Variants in DPP9 observed in about 807,000 individuals in gnomAD.
DPP9 encodes dipeptidyl peptidase IV-related protein-2.
DPP9 carries 50 observed loss-of-function variants against 110.7 expected under a neutral mutation model. The ratio of observed to expected loss-of-function variants is 0.45; its 90% CI spans 0.36 to 0.57. The LOEUF (loss-of-function observed/expected upper bound fraction) is 0.57, where lower values mean the gene tolerates loss of function less well. Ranked by LOEUF, DPP9 falls within the 20% of genes least tolerant of loss-of-function variation. The pLI is 0.00. For synonymous variants in DPP9, 561 were observed against 514.4 expected (o/e 1.09, Z -1.23); for missense variants, 1,022 against 1,217.9 (o/e 0.84, Z 2.39).
rs533369541 is a variant in DPP9, at chr19:4,700,084, C to G, written c.1074+132G>C. The G allele has an allele frequency of 9.8e-6, 6 of 609,274 alleles. No individual in the cohort carries two copies. Among genetic ancestry groups the G allele is most frequent in the African/African-American group, 5.7e-5 (3 of 52,176 alleles). The allele number at this position is 609,274 out of a possible 1,614,324, so 37.7% of individuals were successfully genotyped here. On this transcript the variant is annotated intron_variant, in intron 10 of 21. Transcript: ENST00000262960. This position sits in a 1 kb window ranked among gnomAD's most constrained non-coding sequence, Gnocchi z 4.3. ...AGGGAAGGCCTGTGGCTAGGCGGAC[C>G]GGGCGGCAGGGCTGGGGCCTGGGGA...
chr19:4,688,811 C>T lies in DPP9; in HGVS notation c.1831G>A (p.Asp611Asn), dbSNP rs375568437. Residue 611 changes from aspartate (D) to asparagine (N), a missense_variant, in exon 16 of 22, where the codon GAC (aspartate) becomes AAC (asparagine). Physicochemically the swap from Asp to Asn is conservative, Grantham distance 23 (BLOSUM62 1). This residue lies in a region of DPP9 where 810 missense variants were observed against 920.6 expected (regional missense o/e 0.88). Coordinates refer to ENST00000262960, the MANE Select transcript of DPP9 (RefSeq NM_139159.5). Reference protein sequence around the residue: ...VHVYKLSGPDDDPLHKQPRFW... With the variant: ...VHVYKLSGPDNDPLHKQPRFW... The stretch of plus-strand genomic sequence containing the variant: ...CGGGGCTGCTTGTGCAGGGGGTCGT[C>T]GTCGGGGCCGCTCAGCTTGTAGACG... The T allele has an allele frequency of 1.7e-5, 25 of 1,488,664 alleles. No homozygotes were observed. The highest frequency in any genetic ancestry group is 3.5e-4 in the Middle Eastern group (2 of 5,710). 92.2% of individuals were successfully genotyped at this position (1,488,664 alleles called of 1,614,324 possible). A position where few individuals can be genotyped will look rare whatever the true frequency, so the allele number is the denominator to read the frequency against.
chr19:4,690,804 CGT>C (rs909836246), intron 14 of DPP9, 72 bp downstream of exon 14: 52 of 1,136,210 alleles, frequency 4.6e-5, no homozygotes, highest in Non-Finnish European at 5.9e-5. Context: ...TATGCGCGTG[CGT>C]GTGTGTGTGA....
Position 4,704,137 on chromosome 19 carries a change from G to C in DPP9, c.594C>G (p.Gly198=). The C allele has an allele frequency of 6.2e-7, 1 of 1,613,972 alleles. No individual in the cohort carries two copies. Among genetic ancestry groups the C allele is most frequent in the South Asian group, 1.1e-5 (1 of 91,088 alleles). ...AGCCAGGGCCAGGGCTCACCATGAA[G>C]CCGTTCTTGCCGCCGTCGCGGCAGT... The part of the protein sequence containing the change: ...LFHCRDGGKN[G]FMVSPMKPLE... Residue 198 remains glycine (G), a synonymous_variant, in exon 6 of 22, where the codon GGC becomes GGG. Transcript: ENST00000262960. This position sits in a 1 kb window ranked among gnomAD's most constrained non-coding sequence, Gnocchi z 6.0.
chr19:4,678,348 A>G (rs2089205079), intron 21 of DPP9, among the ~76,000 whole-genome samples: 1 of 152,138 alleles, frequency 6.6e-6, no homozygotes, highest in Non-Finnish European at 1.5e-5. Flanking sequence ...CCTGGCCTCA[A>G]GTGATCCACC....
intron 3 of DPP9, among the ~76,000 whole-genome samples, chr19:4,714,857 CCTT>C (rs1362016981): frequency 1.3e-5 from 2 of 152,096 alleles, no homozygotes; most frequent in African/African-American, 4.8e-5. Context: ...TGAATCTCAT[CCTT>C]CTTATCCCTG....
At chr19:4,678,404 C>T (rs1342025834) in intron 21 of DPP9, among the ~76,000 whole-genome samples, 2 of 152,236 alleles carry the variant, frequency 1.3e-5, no homozygotes. Context: ...TGAGCCACCA[C>T]GCCCGGCCTG....
chr19:4,721,961 A>C (rs1427069871), intron 2 of DPP9, among the ~76,000 whole-genome samples: 1 of 152,210 alleles, frequency 6.6e-6, no homozygotes, highest in African/African-American at 2.4e-5. Context: ...GAAGTCGCTG[A>C]ACCTCTCTGA....
rs535497625 is a variant in DPP9, at chr19:4,699,869, G to T, written c.1074+347C>A. ...TCTCTGTTCTGGAAACTTGGAGAGA[G>T]GGCAGCTCTGGATCCACACGTCACC... On this transcript the variant is annotated intron_variant, in intron 10 of 21. Transcript: ENST00000262960. Among the ~76,000 whole-genome samples, 19 of 152,332 alleles carry T rather than the reference G, an allele frequency of 1.2e-4. No individual in the cohort carries two copies. The East Asian group carries it at 2.1e-3, about 17-fold the overall frequency.
At chr19:4,677,524 G>A (rs1258093270) in intron 21 of DPP9, among the ~76,000 whole-genome samples, 1 of 152,150 alleles carries the variant, frequency 6.6e-6, no homozygotes, top group East Asian at 1.9e-4. Flanking sequence ...GCCACCCACT[G>A]GTTTCCCCTC....
chr19:4,695,212 T>G lies in DPP9; in HGVS notation c.1353+166A>C. The G allele has an allele frequency of 1.4e-6, 1 of 711,348 alleles. No homozygotes were observed. Among genetic ancestry groups the G allele is most frequent in the Non-Finnish European group, 2.3e-6 (1 of 443,812 alleles). The allele number at this position is 711,348 out of a possible 1,614,324, so 44.1% of individuals were successfully genotyped here. Reference sequence around the variant, plus strand: ...TGGCTGCCAGACTCACCAACCCCCCTAGACCCTCTTCCCTGCCAGCCAGGG... The same window carrying G: ...TGGCTGCCAGACTCACCAACCCCCCGAGACCCTCTTCCCTGCCAGCCAGGG... On this transcript the variant is annotated intron_variant, in intron 12 of 21. Coordinates refer to ENST00000262960, the MANE Select transcript of DPP9 (RefSeq NM_139159.5). The surrounding 1 kb of genome is among the most constrained non-coding windows in gnomAD (Gnocchi z 4.7).
chr19:4,701,092 C>T (rs563688273), intron 9 of DPP9, among the ~76,000 whole-genome samples: 10 of 152,274 alleles, frequency 6.6e-5, no homozygotes, highest in Admixed American at 2.0e-4. Flanking sequence ...GGTTGCAAAC[C>T]CAAGGCCTGA....
Position 4,685,081 on chromosome 19 carries a change from C to G in DPP9, c.2032-272G>C, listed in dbSNP as rs1239056439. 2 of 632,070 alleles carry G rather than the reference C, an allele frequency of 3.2e-6. No individual in the cohort carries two copies. The highest frequency in any genetic ancestry group is 5.9e-6 in the Non-Finnish European group (2 of 340,260). The allele number at this position is 632,070 out of a possible 1,614,324, so 39.2% of individuals were successfully genotyped here. ...GTCCTGCCTGGAACAACTACTCTGG[C>G]ATGATGGACATTGGGGTGGCTCCTT... On this transcript the variant is annotated intron_variant, in intron 17 of 21. Coordinates refer to ENST00000262960, the MANE Select transcript of DPP9 (RefSeq NM_139159.5). This position sits in a 1 kb window ranked among gnomAD's most constrained non-coding sequence, Gnocchi z 5.8.
In DPP9 at chr19:4,694,760, C is replaced by T. The variant is rs767206166; in HGVS notation, c.1417G>A (p.Ala473Thr). ...EGEDELCFLR[A>T]NECKTGFCHL... is the part of the protein sequence containing the mutation. ...CAGAAGCCGGTCTTGCATTCATTGG[C>T]GCGGAGAAAGCAGAGCTCGTCCTCT... The change falls in exon 13 of 22, where the codon GCC becomes ACC. Residue 473 changes from alanine (A) to threonine (T), a missense_variant. By Grantham distance (58) the Ala-to-Thr change is moderately conservative (BLOSUM62 0). This residue lies in a region of DPP9 where 810 missense variants were observed against 920.6 expected (regional missense o/e 0.88). Coordinates refer to ENST00000262960, the MANE Select transcript of DPP9 (RefSeq NM_139159.5). The surrounding 1 kb of genome is among the most constrained non-coding windows in gnomAD (Gnocchi z 4.0). 32 of 1,613,682 alleles carry T rather than the reference C, an allele frequency of 2.0e-5. No homozygotes were observed. The highest frequency in any genetic ancestry group is 2.7e-5 in the African/African-American group (2 of 74,888).
rs59314200 is a variant in DPP9 at position 4,715,019 on chromosome 19, C to CTTTTTTTTT, written c.57-691_57-683dup. Among the ~76,000 whole-genome samples, 3 of 68,608 alleles carry CTTTTTTTTT rather than the reference C, an allele frequency of 4.4e-5. 1 individual carries two copies. Among genetic ancestry groups the CTTTTTTTTT allele is most frequent in the East Asian group, 5.4e-4 (1 of 1,838 alleles). 45.0% of individuals were successfully genotyped at this position (68,608 alleles called of 152,430 possible). ...TTTGATATATGTTTATATATATATA[C>CTTTTTTTTT]TTTTTTTTTTTTTTTTTTTTTTTTT... On this transcript the variant is annotated intron_variant, in intron 3 of 21. Coordinates refer to ENST00000262960, the MANE Select transcript of DPP9 (RefSeq NM_139159.5).
Position 4,675,335 on chromosome 19 carries a change from GTTTCTTTTTTTTTTTTTTCT to G in DPP9, c.*1209_*1228del, listed in dbSNP as rs2088724099. On this transcript the variant is annotated 3_prime_UTR_variant, in exon 22 of 22. Transcript: ENST00000262960. Reference sequence around the variant, plus strand: ...TTTCCATAATATGTAGAGGTGGTTTGTTTCTTTTTTTTTTTTTTCTTTTCTTTTTACTTTTTTTTTTGCCC... The same window carrying G: ...TTTCCATAATATGTAGAGGTGGTTTGTTTCTTTTTACTTTTTTTTTTGCCC... The G allele has an allele frequency of 7.1e-6, 1 of 141,560 alleles. No homozygotes were observed. Among genetic ancestry groups the G allele is most frequent in the Non-Finnish European group, 1.6e-5 (1 of 63,446 alleles). The allele number at this position is 141,560 out of a possible 1,614,324, so 8.8% of individuals were successfully genotyped here.
chr19:4,679,305 A>G (rs1343393761), intron 21 of DPP9: 1 of 78,588 alleles, frequency 1.3e-5, no homozygotes, highest in Non-Finnish European at 2.4e-5. Flanking sequence ...AGCCCCGCCC[A>G]CCTAGACTGA....
chr19:4,684,033 C>A lies in DPP9; in HGVS notation c.2179-404G>T. The stretch of plus-strand genomic sequence containing the variant: ...GTCACTACCAGCCACATCCCCACCA[C>A]CGCCACTGCCACGATTTCAATGCTG... On this transcript the variant is annotated intron_variant, in intron 18 of 21. Transcript: ENST00000262960. This position sits in a 1 kb window ranked among gnomAD's most constrained non-coding sequence, Gnocchi z 4.8. The A allele has an allele frequency of 2.7e-6, 1 of 376,368 alleles. No homozygotes were observed. The highest frequency in any genetic ancestry group is 5.1e-6 in the Non-Finnish European group (1 of 194,718). The allele number at this position is 376,368 out of a possible 1,614,324, so 23.3% of individuals were successfully genotyped here.
chr19:4,685,566 G>T lies in DPP9; in HGVS notation c.2031+60C>A. The T allele has an allele frequency of 6.6e-7, 1 of 1,520,306 alleles. No individual in the cohort carries two copies. The highest frequency in any genetic ancestry group is 1.2e-5 in the South Asian group (1 of 84,186). The allele number at this position is 1,520,306 out of a possible 1,614,324, so 94.2% of individuals were successfully genotyped here. ...TGTTCTACAGCTGGCACTTGAGTGG[G>T]GATGGGGAGTCCTCGGGTGGATGGT... On this transcript the variant is annotated intron_variant, in intron 17 of 21. Transcript: ENST00000262960. The surrounding 1 kb of genome is among the most constrained non-coding windows in gnomAD (Gnocchi z 5.8).
In DPP9 at chr19:4,723,736, G is replaced by C. The variant is rs1218864968; in HGVS notation, c.-151C>G. 1 of 154,098 alleles carries C rather than the reference G, an allele frequency of 6.5e-6. No individual in the cohort carries two copies. The highest frequency in any genetic ancestry group is 1.9e-4 in the East Asian group (1 of 5,186). 9.5% of individuals were successfully genotyped at this position (154,098 alleles called of 1,614,324 possible). ...CCGGGTCCAGCGGCGCCTCACGGTC[G>C]CGGCTCCATGCCCGGGACTGCGACC... is the stretch of plus-strand genomic sequence containing the variant. On this transcript the variant is annotated 5_prime_UTR_variant, in exon 1 of 22. Coordinates refer to ENST00000262960, the MANE Select transcript of DPP9 (RefSeq NM_139159.5).
Sources: allele counts gnomAD v4.1 joint callset (sites outside exome capture counted in the v4.1 genomes callset), GRCh38; gene constraint gnomAD v4.1.1; regional missense constraint gnomAD v4.1.1; non-coding constraint Gnocchi (gnomAD v3.1); transcripts MANE v1.5; gene names NCBI Gene and HGNC (gene_info 2026-07-23, HGNC 2026-07-21).